The following GCGR variants were observed in gnomAD, a reference collection of about 807,000 sequenced individuals.
The protein encoded by GCGR is glucagon receptor.
GCGR carries 41 observed loss-of-function variants against 56.1 expected under a neutral mutation model. The ratio of observed to expected loss-of-function variants is 0.73; its 90% CI spans 0.57 to 0.95. The LOEUF (loss-of-function observed/expected upper bound fraction) is 0.95. Ranked by LOEUF, GCGR falls within the 40% of genes least tolerant of loss-of-function variation. GCGR has a pLI of 0.00. For synonymous variants in GCGR, 278 were observed against 271.1 expected (o/e 1.03, Z -0.25); for missense variants, 595 against 638.2 (o/e 0.93, Z 0.73).
rs1010070308 is a variant in GCGR, at chr17:81,812,980, C to T, written c.1176+35C>T. 17 of 1,536,010 alleles carry T rather than the reference C, an allele frequency of 1.1e-5. No homozygotes were observed. Among genetic ancestry groups the T allele is most frequent in the Admixed American group, 2.0e-5 (1 of 50,980 alleles). ...CGCCCGCCGGCTCCCCCGCCCGGGG[C>T]GCAGTGTGCCACCCCTGACCACCCT... On this transcript the variant is annotated intron_variant, in intron 12 of 13. Coordinates refer to ENST00000400723, the MANE Select transcript of GCGR (RefSeq NM_000160.5). The surrounding 1 kb of genome is among the most constrained non-coding windows in gnomAD (Gnocchi z 8.5).
chr17:81,804,413 C>T lies in GCGR; in HGVS notation c.-178+164C>T, dbSNP rs1426361977. On this transcript the variant is annotated intron_variant, in intron 1 of 13. Coordinates refer to ENST00000400723, the MANE Select transcript of GCGR (RefSeq NM_000160.5). The surrounding 1 kb of genome is among the most constrained non-coding windows in gnomAD (Gnocchi z 8.2). ...GCGCTCCTCAGTCCCGTCAGACACC[C>T]CCGTTCCCAACCCCGGCTCGGACAC... Among the ~76,000 whole-genome samples the T allele has an allele frequency of 6.6e-6, 1 of 151,808 alleles. No individual in the cohort carries two copies. Among genetic ancestry groups the T allele is most frequent in the African/African-American group, 2.4e-5 (1 of 41,370 alleles).
rs1328525317 is a variant in GCGR, at chr17:81,809,090, C to G, written c.60+12C>G. On this transcript the variant is annotated intron_variant, in intron 2 of 13. Transcript: ENST00000400723. ...TGCTGGCCTGCCAGGTGAGGACTCA[C>G]AGCACCCTCAGCACCCAGGGGCCCT... 9.1e-6 allele frequency: 14 copies of G among 1,534,836 alleles called. No individual in the cohort carries two copies. The highest frequency in any genetic ancestry group is 1.4e-5 in the African/African-American group (1 of 73,040).
intron 2 of GCGR, 126 bp downstream of exon 2, chr17:81,809,204 C>A: frequency 1.8e-6 from 2 of 1,125,986 alleles, no homozygotes; most frequent in South Asian, 1.5e-5. Context: ...GCCCGTCTGC[C>A]TGCCCATCTG....
Position 81,810,790 on chromosome 17 carries a change from T to C in GCGR, c.164-35T>C. The C allele has an allele frequency of 8.1e-7, 1 of 1,230,434 alleles. No individual in the cohort carries two copies. The highest frequency in any genetic ancestry group is 1.3e-5 in the South Asian group (1 of 78,772). 76.2% of individuals were successfully genotyped at this position (1,230,434 alleles called of 1,614,324 possible). A position where few individuals can be genotyped will look rare whatever the true frequency, so the allele number is the denominator to read the frequency against. On this transcript the variant is annotated intron_variant, in intron 3 of 13. Coordinates refer to ENST00000400723, the MANE Select transcript of GCGR (RefSeq NM_000160.5). The surrounding 1 kb of genome is among the most constrained non-coding windows in gnomAD (Gnocchi z 4.6). ...GGGAGCCCCTTCTCCCACCCTGCCC[T>C]GCCCTGCTCTGCCCTGCCCTACCCT...
In GCGR at chr17:81,804,334, C is replaced by G. The variant is rs1440922419; in HGVS notation, c.-178+85C>G. On this transcript the variant is annotated intron_variant, in intron 1 of 13. Transcript: ENST00000400723. The surrounding 1 kb of genome is among the most constrained non-coding windows in gnomAD (Gnocchi z 8.2). ...GACCGCGGGGCGGGCGCGGCGGGGCCGGGGGCGCGGGGAGCGGGGAGCCGG... is the reference window on the plus strand; with the variant it reads ...GACCGCGGGGCGGGCGCGGCGGGGCGGGGGGCGCGGGGAGCGGGGAGCCGG... The G allele has an allele frequency of 1.3e-5, 2 of 151,272 alleles. No homozygotes were observed. Among genetic ancestry groups the G allele is most frequent in the Non-Finnish European group, 3.0e-5 (2 of 67,524 alleles). 9.4% of individuals were successfully genotyped at this position (151,272 alleles called of 1,614,324 possible).
chr17:81,813,469 C>G lies in GCGR; in HGVS notation c.1219-5C>G. 1.3e-6 allele frequency: 2 copies of G among 1,534,480 alleles called. No homozygotes were observed. The highest frequency in any genetic ancestry group is 2.4e-5 in the South Asian group (2 of 83,956). On this transcript the variant is annotated splice_region_variant and splice_polypyrimidine_tract_variant and intron_variant, in intron 13 of 13. Transcript: ENST00000400723. This position sits in a 1 kb window ranked among gnomAD's most constrained non-coding sequence, Gnocchi z 5.3. The stretch of plus-strand genomic sequence containing the variant: ...AGGACTGGCCTGCCCCGTCCCCCTC[C>G]CCAGGTGCAGTCGGAGCTGCGGCGG...
rs1312508282 is a variant in GCGR at position 81,811,061 on chromosome 17, G to A, written c.323G>A (p.Arg108His). The change falls in exon 5 of 14, where the codon CGT becomes CAT. Residue 108 changes from arginine (R) to histidine (H), a missense_variant. Physicochemically the swap from Arg to His is conservative, Grantham distance 29. Coordinates refer to ENST00000400723, the MANE Select transcript of GCGR (RefSeq NM_000160.5). The surrounding 1 kb of genome is among the most constrained non-coding windows in gnomAD (Gnocchi z 5.8). ...TGCGGGCCCGACGGTCAGTGGGTGC[G>A]TGGACCCCGGGGGCAGCCTTGGCGT... ...KRCGPDGQWV[R>H]GPRGQPWRDA... 7.8e-6 allele frequency: 12 copies of A among 1,536,188 alleles called. No homozygotes were observed. In the Admixed American group the frequency reaches 7.8e-5, roughly 10 times the overall value.
In GCGR at chr17:81,813,189, C is replaced by T. The variant is rs891461760; in HGVS notation, c.1218+132C>T. On this transcript the variant is annotated intron_variant, in intron 13 of 13. Transcript: ENST00000400723. This position sits in a 1 kb window ranked among gnomAD's most constrained non-coding sequence, Gnocchi z 5.3. Reference sequence around the variant, plus strand: ...CGTGGGGCCCAAGCCTTTCCCTCCCCCTGCTCTTATTGGGTGCAGTTGCCA... The same window carrying T: ...CGTGGGGCCCAAGCCTTTCCCTCCCTCTGCTCTTATTGGGTGCAGTTGCCA... 3.4e-5 allele frequency: 47 copies of T among 1,385,398 alleles called. No homozygotes were observed. The African/African-American group carries it at 6.1e-4, about 18-fold the overall frequency. The allele number at this position is 1,385,398 out of a possible 1,614,324, so 85.8% of individuals were successfully genotyped here.
Position 81,804,544 on chromosome 17 carries a change from G to A in GCGR, c.-178+295G>A, listed in dbSNP as rs953221112. Among the ~76,000 whole-genome samples the A allele has an allele frequency of 3.3e-5, 5 of 151,628 alleles. 1 individual carries two copies. The highest frequency in any genetic ancestry group is 3.3e-4 in the Admixed American group (5 of 15,252). ...GCGGGGGTGTCGCTGGCCGCCTGGC[G>A]CCCTGCGGCGGCCACACTGCAGCGG... On this transcript the variant is annotated intron_variant, in intron 1 of 13. Transcript: ENST00000400723. This position sits in a 1 kb window ranked among gnomAD's most constrained non-coding sequence, Gnocchi z 8.2.
chr17:81,812,031 A>G lies in GCGR; in HGVS notation c.878+85A>G. 6.6e-7 allele frequency: 1 copy of G among 1,516,994 alleles called. No individual in the cohort carries two copies. Among genetic ancestry groups the G allele is most frequent in the Non-Finnish European group, 8.8e-7 (1 of 1,130,794 alleles). The allele number at this position is 1,516,994 out of a possible 1,614,324, so 94.0% of individuals were successfully genotyped here. A position where few individuals can be genotyped will look rare whatever the true frequency, so the allele number is the denominator to read the frequency against. ...GGCCTGAGGCAGGGAGGGGCCGGGG[A>G]TGAGCCTGGTGCCTGGGGAGGGGGT... On this transcript the variant is annotated intron_variant, in intron 9 of 13. Transcript: ENST00000400723. The surrounding 1 kb of genome is among the most constrained non-coding windows in gnomAD (Gnocchi z 8.5).
In GCGR at chr17:81,809,742, T is replaced by TCTGC. The variant is rs1568251113; in HGVS notation, c.61-37_61-36insCCTG. 18 of 1,250,070 alleles carry TCTGC rather than the reference T, an allele frequency of 1.4e-5. No homozygotes were observed. The Admixed American group carries it at 3.6e-4, about 25-fold the overall frequency. 77.4% of individuals were successfully genotyped at this position (1,250,070 alleles called of 1,614,324 possible). A position where few individuals can be genotyped will look rare whatever the true frequency, so the allele number is the denominator to read the frequency against. ...GTCTGCCTGTCTGTCTGCCTGCCTG[T>TCTGC]CTGTCTGTCTGTCTGGTTGCTTGTG... On this transcript the variant is annotated intron_variant, in intron 2 of 13. Coordinates refer to ENST00000400723, the MANE Select transcript of GCGR (RefSeq NM_000160.5).
rs776062273 is a variant in GCGR at position 81,811,779 on chromosome 17, C to G, written c.786C>G (p.Ser262Arg). ...GCCTGGCCACCCTCCCCGAGAGGAG[C>G]TTCTTCAGCCTCTACCTGGGCATCG... ...LLGLATLPERSFFSLYLGIGW... is the reference protein window; with the variant it reads ...LLGLATLPERRFFSLYLGIGW... The change falls in exon 8 of 14, where the codon AGC becomes AGG. Residue 262 changes from serine (S) to arginine (R), a missense_variant. Ser to Arg is a moderately radical substitution (Grantham distance 110, BLOSUM62 -1). Coordinates refer to ENST00000400723, the MANE Select transcript of GCGR (RefSeq NM_000160.5). This position sits in a 1 kb window ranked among gnomAD's most constrained non-coding sequence, Gnocchi z 5.8. 3 of 1,537,624 alleles carry G rather than the reference C, an allele frequency of 2.0e-6. No individual in the cohort carries two copies. The South Asian group carries it at 3.6e-5, about 18-fold the overall frequency.
rs890717084 is a variant in GCGR, at chr17:81,810,210, G to A, written c.163+326G>A. 6.8e-6 allele frequency: 3 copies of A among 439,800 alleles called. No homozygotes were observed. The highest frequency in any genetic ancestry group is 6.9e-5 in the Admixed American group (2 of 28,922). 27.2% of individuals were successfully genotyped at this position (439,800 alleles called of 1,614,324 possible). ...TTTTCAGTGGGCAGACAGTGCCAGG[G>A]CGTGGAAGCTGGGACCCAGGGGCCT... On this transcript the variant is annotated intron_variant, in intron 3 of 13. Transcript: ENST00000400723. The surrounding 1 kb of genome is among the most constrained non-coding windows in gnomAD (Gnocchi z 4.6).
Position 81,810,752 on chromosome 17 carries a change from A to G in GCGR, c.164-73A>G, listed in dbSNP as rs2038075263. ...GAGCTCAGGCTTCCAGAGAGAGGAG[A>G]GAGGCCTGCTGAGGGAGCCCCTTCT... On this transcript the variant is annotated intron_variant, in intron 3 of 13. Transcript: ENST00000400723. The surrounding 1 kb of genome is among the most constrained non-coding windows in gnomAD (Gnocchi z 4.6). 2 of 1,364,966 alleles carry G rather than the reference A, an allele frequency of 1.5e-6. No individual in the cohort carries two copies. Among genetic ancestry groups the G allele is most frequent in the Admixed American group, 2.0e-5 (1 of 50,672 alleles). 84.6% of individuals were successfully genotyped at this position (1,364,966 alleles called of 1,614,324 possible).
rs2038155352 is a variant in GCGR, at chr17:81,813,706, A to C, written c.*17A>C. ...CCCTTCTGAACCCTGCTGGGACCCC[A>C]GCTAGGGCTGGACTCTGGCACCCAG... On this transcript the variant is annotated 3_prime_UTR_variant, in exon 14 of 14. Transcript: ENST00000400723. This position sits in a 1 kb window ranked among gnomAD's most constrained non-coding sequence, Gnocchi z 5.3. 1 of 1,531,932 alleles carries C rather than the reference A, an allele frequency of 6.5e-7. No individual in the cohort carries two copies. Among genetic ancestry groups the C allele is most frequent in the Non-Finnish European group, 8.7e-7 (1 of 1,144,634 alleles). 94.9% of individuals were successfully genotyped at this position (1,531,932 alleles called of 1,614,324 possible). A position where few individuals can be genotyped will look rare whatever the true frequency, so the allele number is the denominator to read the frequency against.
Position 81,807,097 on chromosome 17 carries a change from T to G in GCGR, c.-177-1745T>G, listed in dbSNP as rs567254943. Among the ~76,000 whole-genome samples, 3 of 152,240 alleles carry G rather than the reference T, an allele frequency of 2.0e-5. No individual in the cohort carries two copies. The South Asian group carries it at 6.2e-4, about 32-fold the overall frequency. The stretch of plus-strand genomic sequence containing the variant: ...GACAGTGGCAGTAGATGGGGCTGTT[T>G]GATCAGGATCAGGGAAGATAAGGCC... On this transcript the variant is annotated intron_variant, in intron 1 of 13. Transcript: ENST00000400723.
rs748040078 is a variant in GCGR at position 81,804,864 on chromosome 17, C to G, written c.-178+615C>G. Among the ~76,000 whole-genome samples, 1 of 152,040 alleles carries G rather than the reference C, an allele frequency of 6.6e-6. No homozygotes were observed. Among genetic ancestry groups the G allele is most frequent in the African/African-American group, 2.4e-5 (1 of 41,394 alleles). ...CCCACCACCCGGCCGACTCGGCCAC[C>G]GGGCTTATGCTCCGACTCTGAACCG... On this transcript the variant is annotated intron_variant, in intron 1 of 13. Transcript: ENST00000400723. This position sits in a 1 kb window ranked among gnomAD's most constrained non-coding sequence, Gnocchi z 8.2.
chr17:81,812,185 G>C lies in GCGR; in HGVS notation c.881G>C (p.Cys294Ser). 1 of 1,536,202 alleles carries C rather than the reference G, an allele frequency of 6.5e-7. No homozygotes were observed. Among genetic ancestry groups the C allele is most frequent in the East Asian group, 2.4e-5 (1 of 40,918 alleles). The change falls in exon 10 of 14, where the codon TGC becomes TCC. Residue 294 changes from cysteine (C) to serine (S), a missense_variant and splice_region_variant. Transcript: ENST00000400723. The surrounding 1 kb of genome is among the most constrained non-coding windows in gnomAD (Gnocchi z 8.5). ...ATGTGAGTGGCCTGGCCTCGCAGGT[G>C]CTGGACCAGCAATGACAACATGGGC... ...VVKCLFENVQ[C>S]WTSNDNMGFW...
intron 1 of GCGR, among the ~76,000 whole-genome samples, chr17:81,808,639 G>T (rs527368720): frequency 6.6e-5 from 10 of 150,818 alleles, no homozygotes; most frequent in Admixed American, 4.0e-4. Context: ...CCTGCCTCAA[G>T]CTCCCGAGTA....
Sources: gnomAD v4.1 joint callset for allele counts (sites outside exome capture counted in the v4.1 genomes callset) on GRCh38, gnomAD v4.1.1 for gene constraint, Gnocchi (gnomAD v3.1) non-coding constraint, MANE v1.5 for transcripts, NCBI Gene and HGNC (gene_info 2026-07-23, HGNC 2026-07-21) for gene names.